Variants in SNX7 observed in about 807,000 individuals in gnomAD.
SNX7 encodes the protein sorting nexin-7.
Under a neutral mutation model 48.4 loss-of-function variants are expected in SNX7, and 35 were observed. The ratio of observed to expected loss-of-function variants is 0.72; its 90% confidence interval spans 0.55 to 0.96. SNX7 has a LOEUF of 0.96. Ranked by LOEUF, SNX7 falls within the 40% of genes least tolerant of loss-of-function variation. The probability of loss-of-function intolerance (pLI) is 0.00; values close to 1 mark genes in which losing one functional copy is unlikely to be tolerated. For missense variants in SNX7, 553 were observed against 548.9 expected (o/e 1.01, Z -0.07); for synonymous variants, 190 against 190.2 (o/e 1.00, Z 0.01).
intron 8 of SNX7, among the ~76,000 whole-genome samples, chr1:98,745,212 A>G (rs1298690179): frequency 6.6e-6 from 1 of 151,980 alleles, no homozygotes; most frequent in Non-Finnish European, 1.5e-5. Flanking sequence ...TAGAGGTGTA[A>G]TAGATGGTCT....
At chr1:98,742,251 G>T (rs1654107685) in intron 8 of SNX7, among the ~76,000 whole-genome samples, 1 of 152,010 alleles carries the variant, frequency 6.6e-6, no homozygotes, top group Non-Finnish European at 1.5e-5. Flanking sequence ...GATGAGGGTA[G>T]GGCTAGTAAA....
chr1:98,678,621 C>T (rs1285077275), intron 1 of SNX7, among the ~76,000 whole-genome samples: 1 of 152,044 alleles, frequency 6.6e-6, no homozygotes, highest in Non-Finnish European at 1.5e-5. Context: ...AAGTAAAGTG[C>T]TCAAAGAATA....
intron 4 of SNX7, among the ~76,000 whole-genome samples, chr1:98,693,924 T>C (rs1274060741): frequency 1.3e-5 from 2 of 152,238 alleles, no homozygotes; most frequent in Admixed American, 6.5e-5. Flanking sequence ...TCCCTTGTCC[T>C]TTTTTGTTTG....
chr1:98,677,911 A>T (rs1431415347), intron 1 of SNX7, among the ~76,000 whole-genome samples: 1 of 149,748 alleles, frequency 6.7e-6, no homozygotes, highest in African/African-American at 2.5e-5. Context: ...GAGGTATATC[A>T]TTCTAATTTG....
chr1:98,679,676 A>C (rs887523987), intron 1 of SNX7, among the ~76,000 whole-genome samples: 1 of 152,240 alleles, frequency 6.6e-6, no homozygotes. Flanking sequence ...AGGCTCATGC[A>C]AGTCTGAAAT....
At chr1:98,737,007 A>G (rs1653812748) in intron 7 of SNX7, among the ~76,000 whole-genome samples, 1 of 152,090 alleles carries the variant, frequency 6.6e-6, no homozygotes, top group South Asian at 2.1e-4. Context: ...ACCTTACCAT[A>G]GACTACATGG....
At chr1:98,726,877 TGTC>T (rs1653202681) in intron 7 of SNX7, among the ~76,000 whole-genome samples, 1 of 152,186 alleles carries the variant, frequency 6.6e-6, no homozygotes, top group South Asian at 2.1e-4. Context: ...CTTTGTCCTG[TGTC>T]TAGGCCAATG....
intron 1 of SNX7, among the ~76,000 whole-genome samples, chr1:98,670,911 G>C (rs1296541583): frequency 6.8e-6 from 1 of 146,244 alleles, no homozygotes; most frequent in Non-Finnish European, 1.5e-5. Flanking sequence ...TATTGGTCAG[G>C]AGCAATGAGG....
chr1:98,729,320 A>G (rs1464930138), intron 7 of SNX7, among the ~76,000 whole-genome samples: 2 of 152,200 alleles, frequency 1.3e-5, no homozygotes, highest in Non-Finnish European at 2.9e-5. Context: ...TGCCCACTTC[A>G]TAAAGCTAGA....
At chr1:98,727,209 CAAAT>C (rs74840556) in intron 7 of SNX7, among the ~76,000 whole-genome samples, 43,715 of 151,894 alleles carry the variant, frequency 0.29, 6,795 homozygotes, top group Non-Finnish European at 0.34. Flanking sequence ...GACTCTGTCT[CAAAT>C]AAAGTTTTTA....
chr1:98,751,483 C>T (rs544982734), intron 8 of SNX7, among the ~76,000 whole-genome samples: 1 of 152,166 alleles, frequency 6.6e-6, no homozygotes, highest in Non-Finnish European at 1.5e-5. Flanking sequence ...CCACCTCTGG[C>T]TCACCTTCCT....
At chr1:98,694,100 G>A (rs1651298172) in intron 4 of SNX7, among the ~76,000 whole-genome samples, 1 of 152,170 alleles carries the variant, frequency 6.6e-6, no homozygotes, top group Non-Finnish European at 1.5e-5. Flanking sequence ...GCTGGGCGCG[G>A]TGGCTCACGC....
chr1:98,676,136 C>T (rs1650149424), intron 1 of SNX7, among the ~76,000 whole-genome samples: 1 of 151,934 alleles, frequency 6.6e-6, no homozygotes. Context: ...TGCCCATCCC[C>T]CCAGTCATAC....
chr1:98,753,047 T>A (rs545121065), intron 8 of SNX7, among the ~76,000 whole-genome samples: 1 of 152,208 alleles, frequency 6.6e-6, no homozygotes, highest in South Asian at 2.1e-4. Context: ...AGATTTATCA[T>A]ATAAACACAC....
chr1:98,679,052 C>A (rs1175702532), intron 1 of SNX7, among the ~76,000 whole-genome samples: 1 of 152,126 alleles, frequency 6.6e-6, no homozygotes, highest in Non-Finnish European at 1.5e-5. Flanking sequence ...AATGTGTTTT[C>A]ACACTGCTGA....
At chr1:98,681,335 C>T (rs556864655) in intron 1 of SNX7, among the ~76,000 whole-genome samples, 1 of 152,254 alleles carries the variant, frequency 6.6e-6, no homozygotes, top group Non-Finnish European at 1.5e-5. Flanking sequence ...TGGGTGGGGA[C>T]ACAACCAAAC....
At position 98,671,101 on chromosome 1, in the gene SNX7, C is replaced by G. The variant is rs145331598; in HGVS notation, c.180+9190C>G. Among the ~76,000 whole-genome samples, 439 of 152,268 alleles carry G rather than the reference C, an allele frequency of 2.9e-3. 2 individuals carry two copies. Among genetic ancestry groups the G allele is most frequent in the African/African-American group, 9.7e-3 (403 of 41,566 alleles). On this transcript the variant is annotated intron_variant, in intron 1 of 8. Transcript: ENST00000306121. ...AGTAGCTAGTGTGATCAAAAAGAAA[C>G]ACAGATTCAATAGCTATGTGGTTAC...
chr1:98,711,346 C>T (rs1652296536), intron 7 of SNX7, among the ~76,000 whole-genome samples: 1 of 152,066 alleles, frequency 6.6e-6, no homozygotes, highest in Non-Finnish European at 1.5e-5. Flanking sequence ...AAATTGTATT[C>T]CCACCAAATA....
intron 7 of SNX7, among the ~76,000 whole-genome samples, chr1:98,729,577 A>G (rs571639296): frequency 2.0e-5 from 3 of 152,216 alleles, no homozygotes; most frequent in African/African-American, 7.2e-5. Flanking sequence ...GATGAAGGGG[A>G]TATCATCACT....
Sources: allele counts gnomAD v4.1 joint callset (sites outside exome capture counted in the v4.1 genomes callset), GRCh38; gene constraint gnomAD v4.1.1; transcripts MANE v1.5; gene names NCBI Gene and HGNC (gene_info 2026-07-23, HGNC 2026-07-21).